Variants in ARPP21 observed in about 807,000 individuals in gnomAD.
The protein encoded by ARPP21 is cAMP-regulated phosphoprotein 21.
In ARPP21, 69 loss-of-function variants were observed where a neutral mutation model predicts 113.2. The observed-to-expected ratio is 0.61, with a 90% CI of 0.50 to 0.74. The LOEUF (loss-of-function observed/expected upper bound fraction) is 0.74, where lower values mean the gene tolerates loss of function less well. Among genes scored for constraint, ARPP21 ranks in the 30% least tolerant of loss-of-function variants. The probability of loss-of-function intolerance (pLI) is 0.00; values close to 1 mark genes in which losing one functional copy is unlikely to be tolerated. For missense variants in ARPP21, 1,070 were observed against 1,037.4 expected (o/e 1.03, Z -0.43); for synonymous variants, 368 against 375.5 (o/e 0.98, Z 0.23).
In ARPP21 at chr3:35,793,285, A is replaced by G. The variant is rs1438142333; in HGVS notation, c.2287-416A>G. Among the ~76,000 whole-genome samples, 6 of 152,192 alleles carry G rather than the reference A, an allele frequency of 3.9e-5. No individual in the cohort carries two copies. In the East Asian group the frequency reaches 1.2e-3, roughly 29 times the overall value. On this transcript the variant is annotated intron_variant, in intron 20 of 20. Transcript: ENST00000684406. ...AGCCCTTTTCACTGTGGAGGACTCC[A>G]GGCCACTTTGCATAAAATCAGAAAG...
At chr3:35,789,755 G>A (rs1366237333) in intron 19 of ARPP21, among the ~76,000 whole-genome samples, 1 of 152,086 alleles carries the variant, frequency 6.6e-6, no homozygotes, top group Non-Finnish European at 1.5e-5. Context: ...CTAGGATGGG[G>A]CCACCCAACC....
intron 1 of ARPP21, among the ~76,000 whole-genome samples, chr3:35,654,894 G>C (rs1704076211): frequency 6.6e-6 from 1 of 152,008 alleles, no homozygotes; most frequent in Admixed American, 6.6e-5. Context: ...TAAAGACAAT[G>C]CTTAATTTTT....
intron 1 of ARPP21, among the ~76,000 whole-genome samples, chr3:35,662,132 A>G (rs1248329547): frequency 1.3e-5 from 2 of 152,170 alleles, no homozygotes; most frequent in Non-Finnish European, 2.9e-5. Flanking sequence ...ACACCATTGG[A>G]AAGAATCATA....
At chr3:35,787,461 A>G (rs1323462877) in intron 19 of ARPP21, among the ~76,000 whole-genome samples, 1 of 152,216 alleles carries the variant, frequency 6.6e-6, no homozygotes, top group African/African-American at 2.4e-5. Flanking sequence ...AAGCTATAGT[A>G]TCACTGATTA....
intron 19 of ARPP21, among the ~76,000 whole-genome samples, chr3:35,773,035 T>C (rs1197891195): frequency 2.0e-5 from 3 of 152,182 alleles, no homozygotes; most frequent in African/African-American, 7.2e-5. Flanking sequence ...GGCCATATCT[T>C]GAGCATAAGC....
intron 17 of ARPP21, 95 bp downstream of exon 17, chr3:35,738,413 G>T: frequency 9.8e-7 from 1 of 1,023,284 alleles, no homozygotes; most frequent in Non-Finnish European, 1.5e-6. Context: ...ACTGGGGTGG[G>T]TGCCCTGGGC....
chr3:35,698,176 C>T (rs958828727), intron 9 of ARPP21, among the ~76,000 whole-genome samples: 8 of 151,656 alleles, frequency 5.3e-5, no homozygotes, highest in East Asian at 2.0e-4. Flanking sequence ...CAAAATGAGA[C>T]GTATTTGTTC....
At chr3:35,685,072 T>A (rs1362705424) in intron 5 of ARPP21, 1 of 985,262 alleles carries the variant, frequency 1.0e-6, no homozygotes, top group African/African-American at 1.7e-5. Flanking sequence ...CTCTGCAGAA[T>A]GACAGACCCT....
At chr3:35,757,553 C>A (rs1475243270) in intron 19 of ARPP21, among the ~76,000 whole-genome samples, 1 of 152,032 alleles carries the variant, frequency 6.6e-6, no homozygotes, top group Non-Finnish European at 1.5e-5. Flanking sequence ...TAGCAAGAAT[C>A]AGGAGAAAGA....
chr3:35,752,172 A>AG (rs1391048662), intron 19 of ARPP21, among the ~76,000 whole-genome samples: 1 of 152,062 alleles, frequency 6.6e-6, no homozygotes, highest in Non-Finnish European at 1.5e-5. Context: ...AAGAATGGTG[A>AG]GGGAAGAGGA....
At chr3:35,782,484 A>G (rs1362952145) in intron 19 of ARPP21, among the ~76,000 whole-genome samples, 1 of 152,110 alleles carries the variant, frequency 6.6e-6, no homozygotes, top group South Asian at 2.1e-4. Flanking sequence ...GTAACTCCTA[A>G]TAAGCTCTCT....
intron 2 of ARPP21, among the ~76,000 whole-genome samples, 165 bp downstream of exon 2, chr3:35,680,125 C>T (rs1276720448): frequency 6.6e-6 from 1 of 151,880 alleles, no homozygotes; most frequent in Non-Finnish European, 1.5e-5. Context: ...AATTTGTTCA[C>T]TCCATTTTAA....
intron 19 of ARPP21, among the ~76,000 whole-genome samples, chr3:35,782,070 T>A (rs893779082): frequency 6.6e-6 from 1 of 152,140 alleles, no homozygotes; most frequent in African/African-American, 2.4e-5. Context: ...TAAGGAAAAA[T>A]CAGAGGAAAC....
intron 1 of ARPP21, among the ~76,000 whole-genome samples, chr3:35,669,853 A>C (rs1448710805): frequency 6.6e-6 from 1 of 152,114 alleles, no homozygotes; most frequent in South Asian, 2.1e-4. Context: ...AGAATCCATA[A>C]ATAAAATCCC....
chr3:35,714,383 T>C (rs900405020), intron 11 of ARPP21, among the ~76,000 whole-genome samples: 7 of 152,222 alleles, frequency 4.6e-5, no homozygotes, highest in African/African-American at 1.7e-4. Flanking sequence ...AGTGGTTACA[T>C]TAGCAGGATC....
chr3:35,739,182 T>C, intron 17 of ARPP21, 135 bp from the exon 18 acceptor site: 2 of 1,074,696 alleles, frequency 1.9e-6, no homozygotes, highest in Non-Finnish European at 2.7e-6. Context: ...AAGAATTATT[T>C]TATTTTATTT....
At chr3:35,691,341 T>G (rs2082177680) in intron 9 of ARPP21, among the ~76,000 whole-genome samples, 1 of 151,708 alleles carries the variant, frequency 6.6e-6, no homozygotes, top group African/African-American at 2.4e-5. Flanking sequence ...CAATAGATAT[T>G]TTTAAATGAC....
At chr3:35,650,040 A>C (rs1199621394) in intron 1 of ARPP21, among the ~76,000 whole-genome samples, 1 of 152,178 alleles carries the variant, frequency 6.6e-6, no homozygotes, top group Non-Finnish European at 1.5e-5. Flanking sequence ...AACAAAAAAC[A>C]AAACCTTATA....
At position 35,739,309 on chromosome 3, in the gene ARPP21, A is replaced by C. The variant is rs1393398423; in HGVS notation, c.1750-8A>C. On this transcript the variant is annotated splice_region_variant and splice_polypyrimidine_tract_variant and intron_variant, in intron 17 of 20. Coordinates refer to ENST00000684406, the MANE Select transcript of ARPP21 (RefSeq NM_001385562.1). ...GTGAATTCCCTCATTTATTTCCATG[A>C]CTTGCAGAGAGATGATGTGGCAACA... 1 of 1,611,354 alleles carries C rather than the reference A, an allele frequency of 6.2e-7. No homozygotes were observed. The highest frequency in any genetic ancestry group is 8.5e-7 in the Non-Finnish European group (1 of 1,178,316).
Sources: gnomAD v4.1 joint callset for allele counts (sites outside exome capture counted in the v4.1 genomes callset) on GRCh38, gnomAD v4.1.1 for gene constraint, MANE v1.5 for transcripts, NCBI Gene and HGNC (gene_info 2026-07-23, HGNC 2026-07-21) for gene names.